The following TRIAP1 variants were observed in gnomAD, a reference collection of about 807,000 sequenced individuals.
TRIAP1 encodes TP53-regulated inhibitor of apoptosis 1.
Under a neutral mutation model 8.4 loss-of-function variants are expected in TRIAP1, and 8 were observed. That is an observed-to-expected ratio of 0.96 (90% confidence interval 0.56 to 1.73). The LOEUF is 1.73. Among genes scored for constraint, TRIAP1 ranks in the 40% most tolerant of loss-of-function variants. The pLI is 0.00. For synonymous variants in TRIAP1, 35 were observed against 34.0 expected (o/e 1.03, Z -0.10); for missense variants, 90 against 96.9 (o/e 0.93, Z 0.30).
chr12:120,444,072 C>G lies in TRIAP1; in HGVS notation c.*800G>C, dbSNP rs1158959730. The G allele has an allele frequency of 1.3e-5, 2 of 152,204 alleles. No individual in the cohort carries two copies. The highest frequency in any genetic ancestry group is 3.8e-4 in the East Asian group (2 of 5,202). 9.4% of individuals were successfully genotyped at this position (152,204 alleles called of 1,614,324 possible). On this transcript the variant is annotated 3_prime_UTR_variant, in exon 2 of 2. Transcript: ENST00000546954. Reference sequence around the variant, plus strand: ...GCGAGCACCTTCAGCTTCCCCCCTACCCCGACATTTAACCAGATGCAGCAT... The same window carrying G: ...GCGAGCACCTTCAGCTTCCCCCCTAGCCCGACATTTAACCAGATGCAGCAT...
Position 120,444,880 on chromosome 12 carries a change from A to G in TRIAP1, c.223T>C (p.Ser75Pro), listed in dbSNP as rs1237559084. ...MGHGKEKPEN[S>P]S ...CAAGGTGACTGTCAAGGTCAAGAAG[A>G]ATTTTCAGGCTTTTCTTTGCCATGG... The change falls in exon 2 of 2, where the codon TCT (serine) becomes CCT (proline). Residue 75 changes from serine to proline, a missense_variant. By Grantham distance (74) the Ser-to-Pro change is moderately conservative. Coordinates refer to ENST00000546954, the MANE Select transcript of TRIAP1 (RefSeq NM_016399.3). The G allele has an allele frequency of 1.2e-6, 2 of 1,613,412 alleles. No individual in the cohort carries two copies. The highest frequency in any genetic ancestry group is 2.2e-5 in the South Asian group (2 of 90,986).
intron 1 of TRIAP1, 69 bp from the exon 2 acceptor site, chr12:120,445,024 T>C: frequency 8.9e-7 from 1 of 1,126,322 alleles, no homozygotes; most frequent in Non-Finnish European, 1.3e-6. Context: ...GTAAATAAAA[T>C]ATGACAGTAC....
At position 120,446,116 on chromosome 12, in the gene TRIAP1, G is replaced by C. The variant is rs573998788; in HGVS notation, c.147+110C>G. The C allele has an allele frequency of 3.4e-6, 5 of 1,472,460 alleles. No individual in the cohort carries two copies. In the East Asian group the frequency reaches 1.2e-4, roughly 35 times the overall value. 91.2% of individuals were successfully genotyped at this position (1,472,460 alleles called of 1,614,324 possible). A position where few individuals can be genotyped will look rare whatever the true frequency, so the allele number is the denominator to read the frequency against. On this transcript the variant is annotated intron_variant, in intron 1 of 1. Coordinates refer to ENST00000546954, the MANE Select transcript of TRIAP1 (RefSeq NM_016399.3). ...GAGCTCCTGCCACTGGCCTCACTGC[G>C]ACTTTTCTCCACCCTTCCAGTCCAG...
At chr12:120,446,040 T>A in intron 1 of TRIAP1, 186 bp downstream of exon 1, 2 of 731,968 alleles carry the variant, frequency 2.7e-6, no homozygotes, top group Non-Finnish European at 4.3e-6. Flanking sequence ...GCCCCAATAT[T>A]TGTCATTCGG....
rs147531277 is a variant in TRIAP1 at position 120,444,461 on chromosome 12, AAAG to A, written c.*408_*410del. 0.28 allele frequency: 46,221 copies of A among 165,304 alleles called. 6,899 individuals are homozygous for A. The highest frequency in any genetic ancestry group is 0.49 in the East Asian group (2,602 of 5,282). 10.2% of individuals were successfully genotyped at this position (165,304 alleles called of 1,614,324 possible). On this transcript the variant is annotated 3_prime_UTR_variant, in exon 2 of 2. Transcript: ENST00000546954. ...GAGCATTAGTTCCCTGAGAGGAAAA[AAAG>A]AGGTCCTAACCAATTGCTTTCATAA... is the stretch of plus-strand genomic sequence containing the variant.
In TRIAP1 at chr12:120,446,225, C is replaced by T. The variant is rs1877849694; in HGVS notation, c.147+1G>A. ...CTGGGAACAGAGGCGGGAGGGCTCA[C>T]CTGAACACACTGCTGGTAGCGCTTG... On this transcript the variant is annotated splice_donor_variant, in intron 1 of 1. Coordinates refer to ENST00000546954, the MANE Select transcript of TRIAP1 (RefSeq NM_016399.3). LOFTEE classifies it high-confidence loss of function. 1 of 1,613,346 alleles carries T rather than the reference C, an allele frequency of 6.2e-7. No homozygotes were observed. The highest frequency in any genetic ancestry group is 1.3e-5 in the African/African-American group (1 of 75,040).
In TRIAP1 at chr12:120,446,182, G is replaced by A. The variant is rs780742143; in HGVS notation, c.147+44C>T. 3 of 1,606,742 alleles carry A rather than the reference G, an allele frequency of 1.9e-6. No individual in the cohort carries two copies. In the Admixed American group the frequency reaches 5.0e-5, roughly 27 times the overall value. On this transcript the variant is annotated intron_variant, in intron 1 of 1. Transcript: ENST00000546954. ...AATACGATGAGTGTGGTGGGACACA[G>A]CGCCGAGAATGCAGGGCCTGGGAAC...
rs143461667 is a variant in TRIAP1, at chr12:120,445,514, T to G, written c.148-559A>C. ...TGAAATTTGAAAAATAATCATCACTTTGTGTTAGTGAAAGACTTAGGTTCA... is the reference window on the plus strand; with the variant it reads ...TGAAATTTGAAAAATAATCATCACTGTGTGTTAGTGAAAGACTTAGGTTCA... On this transcript the variant is annotated intron_variant, in intron 1 of 1. Coordinates refer to ENST00000546954, the MANE Select transcript of TRIAP1 (RefSeq NM_016399.3). Among the ~76,000 whole-genome samples, 864 of 152,258 alleles carry G rather than the reference T, an allele frequency of 5.7e-3. 10 individuals are homozygous for G. Among genetic ancestry groups the G allele is most frequent in the African/African-American group, 0.02 (819 of 41,550 alleles).
chr12:120,444,908 C>T lies in TRIAP1; in HGVS notation c.195G>A (p.Met65Ile). Residue 65 changes from methionine (M) to isoleucine (I), a missense_variant, in exon 2 of 2, where the codon ATG (methionine) becomes ATA (isoleucine). Transcript: ENST00000546954. The stretch of plus-strand genomic sequence containing the variant: ...TTTCAGGCTTTTCTTTGCCATGGCC[C>T]ATGAACTCCAGTCCTTCAATAGGAA... ...KEIPIEGLEF[M>I]GHGKEKPENS... 6.2e-7 allele frequency: 1 copy of T among 1,613,884 alleles called. No individual in the cohort carries two copies. The highest frequency in any genetic ancestry group is 8.5e-7 in the Non-Finnish European group (1 of 1,179,922).
At chr12:120,445,405 A>C (rs183962125) in intron 1 of TRIAP1, among the ~76,000 whole-genome samples, 1 of 152,286 alleles carries the variant, frequency 6.6e-6, no homozygotes, top group Admixed American at 6.5e-5. Flanking sequence ...ATAAATAAAA[A>C]CCAGAAGTAC....
chr12:120,446,298 C>G lies in TRIAP1; in HGVS notation c.75G>C (p.Glu25Asp). Residue 25 changes from glutamate to aspartate, a missense_variant, in exon 1 of 2, where the codon GAG becomes GAC. Physicochemically the swap from Glu to Asp is conservative, Grantham distance 45 (BLOSUM62 2). Transcript: ENST00000546954. ...CGGAGCTGTCCCCCTTGAGAAATTT[C>G]TCGGCGAACCAGCGATTGAAGCACT... Reference protein sequence around the residue: ...YDQCFNRWFAEKFLKGDSSGD... With the variant: ...YDQCFNRWFADKFLKGDSSGD... 1 of 1,614,216 alleles carries G rather than the reference C, an allele frequency of 6.2e-7. No individual in the cohort carries two copies. The highest frequency in any genetic ancestry group is 2.2e-5 in the East Asian group (1 of 44,882).
Position 120,444,867 on chromosome 12 carries a change from C to A in TRIAP1, c.*5G>T. ...TTGCGAAATCCTTCAAGGTGACTGT[C>A]AAGGTCAAGAAGAATTTTCAGGCTT... On this transcript the variant is annotated 3_prime_UTR_variant, in exon 2 of 2. Coordinates refer to ENST00000546954, the MANE Select transcript of TRIAP1 (RefSeq NM_016399.3). 1 of 1,612,090 alleles carries A rather than the reference C, an allele frequency of 6.2e-7. No homozygotes were observed. Among genetic ancestry groups the A allele is most frequent in the South Asian group, 1.1e-5 (1 of 90,886 alleles).
Position 120,444,834 on chromosome 12 carries a change from T to C in TRIAP1, c.*38A>G, listed in dbSNP as rs1182493510. The C allele has an allele frequency of 1.3e-6, 2 of 1,545,232 alleles. No homozygotes were observed. The highest frequency in any genetic ancestry group is 1.8e-6 in the Non-Finnish European group (2 of 1,119,694). ...TTGACAAAAATCCAGAGTCCTCAAT[T>C]TCTGGACTTGCGAAATCCTTCAAGG... is the stretch of plus-strand genomic sequence containing the variant. On this transcript the variant is annotated 3_prime_UTR_variant, in exon 2 of 2. Coordinates refer to ENST00000546954, the MANE Select transcript of TRIAP1 (RefSeq NM_016399.3).
In TRIAP1 at chr12:120,444,513, A is replaced by C. The variant is rs1877800511; in HGVS notation, c.*359T>G. On this transcript the variant is annotated 3_prime_UTR_variant, in exon 2 of 2. Transcript: ENST00000546954. ...AAATAGTGACCCCAGTACAGTGTAT[A>C]TGTCTTTTGCAGCAGAAATCAAGAG... is the stretch of plus-strand genomic sequence containing the variant. The C allele has an allele frequency of 3.2e-6, 1 of 309,514 alleles. No homozygotes were observed. Among genetic ancestry groups the C allele is most frequent in the African/African-American group, 2.2e-5 (1 of 44,486 alleles). 19.2% of individuals were successfully genotyped at this position (309,514 alleles called of 1,614,324 possible).
chr12:120,444,042 A>G lies in TRIAP1; in HGVS notation c.*830T>C, dbSNP rs1239265122. 6.6e-6 allele frequency: 1 copy of G among 152,204 alleles called. No individual in the cohort carries two copies. Among genetic ancestry groups the G allele is most frequent in the Non-Finnish European group, 1.5e-5 (1 of 68,044 alleles). 9.4% of individuals were successfully genotyped at this position (152,204 alleles called of 1,614,324 possible). On this transcript the variant is annotated 3_prime_UTR_variant, in exon 2 of 2. Coordinates refer to ENST00000546954, the MANE Select transcript of TRIAP1 (RefSeq NM_016399.3). ...AGGGCAGGATGAGTAAACAAGGCAA[A>G]TGAAGCGAGCACCTTCAGCTTCCCC... is the stretch of plus-strand genomic sequence containing the variant.
In TRIAP1 at chr12:120,444,935, C is replaced by G. The variant is rs764100416; in HGVS notation, c.168G>C (p.Glu56Asp). The G allele has an allele frequency of 2.5e-6, 4 of 1,613,438 alleles. No individual in the cohort carries two copies. Among genetic ancestry groups the G allele is most frequent in the Non-Finnish European group, 3.4e-6 (4 of 1,179,774 alleles). The change falls in exon 2 of 2, where the codon GAG becomes GAC. Residue 56 changes from glutamate to aspartate, a missense_variant. By Grantham distance (45) the Glu-to-Asp change is conservative. Transcript: ENST00000546954. Reference sequence around the variant, plus strand: ...TGAACTCCAGTCCTTCAATAGGAATCTCTTTCTCCTTTATTGCTTTCTGGT... The same window carrying G: ...TGAACTCCAGTCCTTCAATAGGAATGTCTTTCTCCTTTATTGCTTTCTGGT... ...QCVQKAIKEK[E>D]IPIEGLEFMG...
At chr12:120,445,775 A>G (rs1877834645) in intron 1 of TRIAP1, among the ~76,000 whole-genome samples, 1 of 152,202 alleles carries the variant, frequency 6.6e-6, no homozygotes, top group Non-Finnish European at 1.5e-5. Context: ...AAGGGTTTAT[A>G]ACAACAAAAA....
intron 1 of TRIAP1, chr12:120,445,988 C>T (rs1277248741): frequency 1.8e-6 from 1 of 546,070 alleles, no homozygotes; most frequent in African/African-American, 1.9e-5. Flanking sequence ...GGGTGAACAC[C>T]AAATGAACCA....
chr12:120,445,496 T>G (rs1369622718), intron 1 of TRIAP1, among the ~76,000 whole-genome samples: 2 of 152,096 alleles, frequency 1.3e-5, no homozygotes, highest in Non-Finnish European at 2.9e-5. Context: ...AAGTGAAATT[T>G]GAAAAATAAT....
Sources: gnomAD v4.1 joint callset for allele counts (sites outside exome capture counted in the v4.1 genomes callset) on GRCh38, gnomAD v4.1.1 for gene constraint, MANE v1.5 for transcripts, NCBI Gene and HGNC (gene_info 2026-07-23, HGNC 2026-07-21) for gene names.